The following OTUD7A variants were observed in gnomAD, a reference collection of about 807,000 sequenced individuals.
OTUD7A encodes the protein OTU domain-containing protein 7A.
In OTUD7A, 12 loss-of-function variants were observed where a neutral mutation model predicts 65.7. The ratio of observed to expected loss-of-function variants is 0.18; its 90% CI spans 0.12 to 0.30. The LOEUF is 0.30. Among genes scored for constraint, OTUD7A ranks in the 10% least tolerant of loss-of-function variants. The probability of loss-of-function intolerance (pLI) is 1.00; values close to 1 mark genes in which losing one functional copy is unlikely to be tolerated. For synonymous variants in OTUD7A, 641 were observed against 586.3 expected (o/e 1.09, Z -1.35); for missense variants, 1,148 against 1,304.8 (o/e 0.88, Z 1.85).
chr15:31,722,593 TG>T (rs1229088028), intron 1 of OTUD7A, among the ~76,000 whole-genome samples: 2 of 152,312 alleles, frequency 1.3e-5, no homozygotes, highest in African/African-American at 2.4e-5. Context: ...GAAAGAGGTC[TG>T]GGGATGCTGG....
Position 31,479,591 on chromosome 15 carries a change from A to G in OTUD7A, c.*3703T>C, listed in dbSNP as rs1431875140. The G allele has an allele frequency of 1.4e-5, 2 of 147,976 alleles. No individual in the cohort carries two copies. The highest frequency in any genetic ancestry group is 3.0e-5 in the Non-Finnish European group (2 of 67,246). 9.2% of individuals were successfully genotyped at this position (147,976 alleles called of 1,614,324 possible). ...AAGTACAGCCCTTTTATCTTAACCA[A>G]TGGGAAGTATATTTTAAGTTTATTT... On this transcript the variant is annotated 3_prime_UTR_variant, in exon 13 of 13. Transcript: ENST00000307050.
At chr15:31,526,259 TC>T (rs888256565) in intron 8 of OTUD7A, 89 bp downstream of exon 8, 42 of 1,252,638 alleles carry the variant, frequency 3.4e-5, no homozygotes, top group Non-Finnish European at 3.7e-5. Flanking sequence ...AGTCCCACAT[TC>T]CCCCCCGTGC....
chr15:31,687,442 G>T (rs1052279717), intron 1 of OTUD7A, among the ~76,000 whole-genome samples: 1 of 152,168 alleles, frequency 6.6e-6, no homozygotes, highest in East Asian at 1.9e-4. Flanking sequence ...AGTGGCTCTC[G>T]CCCATGTGTC....
At chr15:31,653,211 C>T (rs1012572354) in intron 3 of OTUD7A, among the ~76,000 whole-genome samples, 7 of 151,206 alleles carry the variant, frequency 4.6e-5, no homozygotes, top group Admixed American at 3.3e-4. Flanking sequence ...GCCGAGATAG[C>T]GCCACTGCAC....
At chr15:31,711,761 AAGG>A (rs1893453235) in intron 1 of OTUD7A, among the ~76,000 whole-genome samples, 1 of 136,840 alleles carries the variant, frequency 7.3e-6, no homozygotes, top group South Asian at 2.6e-4. Context: ...ATTGGAAATA[AAGG>A]AGAAGAAATG....
intron 10 of OTUD7A, among the ~76,000 whole-genome samples, chr15:31,492,612 A>G (rs2141071396): frequency 6.6e-6 from 1 of 151,882 alleles, no homozygotes; most frequent in African/African-American, 2.4e-5. Flanking sequence ...AATCTCATTA[A>G]TTAAAGATGT....
chr15:31,561,827 G>A (rs1358090239), intron 4 of OTUD7A, among the ~76,000 whole-genome samples: 1 of 149,354 alleles, frequency 6.7e-6, no homozygotes, highest in Non-Finnish European at 1.5e-5. Flanking sequence ...CTTTAAACGT[G>A]AACTCAGTGA....
intron 1 of OTUD7A, among the ~76,000 whole-genome samples, chr15:31,725,423 A>G (rs939723000): frequency 3.3e-5 from 5 of 152,190 alleles, no homozygotes; most frequent in African/African-American, 7.2e-5. Flanking sequence ...ATGGGTCTCC[A>G]GACTCAAAGA....
In OTUD7A at chr15:31,860,697, A is replaced by ATATATATATATATATATATG. The variant is rs1417556267; in HGVS notation, c.-100+9809_-100+9810insCATATATATATATATATATA. ...TGTGTGTATATATATATATATATAT[A>ATATATATATATATATATATG]TATGTATGTATATATATATATTTTT... On this transcript the variant is annotated intron_variant, in intron 1 of 12. Coordinates refer to ENST00000307050, the MANE Select transcript of OTUD7A (RefSeq NM_001382637.1). Among the ~76,000 whole-genome samples, 21 of 129,744 alleles carry ATATATATATATATATATATG rather than the reference A, an allele frequency of 1.6e-4. No individual in the cohort carries two copies. In the East Asian group the frequency reaches 1.6e-3, roughly 10 times the overall value. 85.1% of individuals were successfully genotyped at this position (129,744 alleles called of 152,430 possible). A position where few individuals can be genotyped will look rare whatever the true frequency, so the allele number is the denominator to read the frequency against.
At chr15:31,851,995 A>T (rs952492167) in intron 1 of OTUD7A, among the ~76,000 whole-genome samples, 3 of 152,156 alleles carry the variant, frequency 2.0e-5, no homozygotes, top group Admixed American at 6.5e-5. Flanking sequence ...AGTAGCTGAG[A>T]TTACAGGCGC....
chr15:31,664,097 T>C (rs2141287950), intron 1 of OTUD7A, among the ~76,000 whole-genome samples: 1 of 152,364 alleles, frequency 6.6e-6, no homozygotes, highest in Non-Finnish European at 1.5e-5. Flanking sequence ...GTTGGTCCCA[T>C]GATTTTGCAA....
At chr15:31,722,081 C>T (rs1893754754) in intron 1 of OTUD7A, among the ~76,000 whole-genome samples, 1 of 152,244 alleles carries the variant, frequency 6.6e-6, no homozygotes, top group Admixed American at 6.5e-5. Flanking sequence ...CAGTGGCACA[C>T]AGTCTGTGGC....
At chr15:31,678,007 A>G (rs779045290) in intron 1 of OTUD7A, among the ~76,000 whole-genome samples, 17 of 152,192 alleles carry the variant, frequency 1.1e-4, no homozygotes, top group Non-Finnish European at 2.5e-4. Context: ...GTGGTCTCAG[A>G]TGGAGATGAG....
At chr15:31,778,736 T>TA (rs1895456651) in intron 1 of OTUD7A, among the ~76,000 whole-genome samples, 2 of 151,510 alleles carry the variant, frequency 1.3e-5, no homozygotes, top group Admixed American at 1.3e-4. Flanking sequence ...TGTGTCTCTC[T>TA]CTCTCACACA....
chr15:31,694,764 G>A (rs1201336020), intron 1 of OTUD7A, among the ~76,000 whole-genome samples: 1 of 152,060 alleles, frequency 6.6e-6, no homozygotes, highest in African/African-American at 2.4e-5. Flanking sequence ...ATGCCCTCCA[G>A]GTTCATTCTT....
chr15:31,780,088 C>T (rs1595763844), intron 1 of OTUD7A, among the ~76,000 whole-genome samples: 2 of 152,114 alleles, frequency 1.3e-5, no homozygotes, highest in East Asian at 3.9e-4. Context: ...ATGGCAGAAG[C>T]AGACAGGCCA....
chr15:31,849,716 C>T (rs576815442), intron 1 of OTUD7A, among the ~76,000 whole-genome samples: 12 of 152,216 alleles, frequency 7.9e-5, no homozygotes, highest in Admixed American at 5.9e-4. Context: ...AGAAAACAAT[C>T]GACCCCATCA....
chr15:31,617,702 G>C (rs1595659696), intron 3 of OTUD7A, among the ~76,000 whole-genome samples: 1 of 152,140 alleles, frequency 6.6e-6, no homozygotes, highest in South Asian at 2.1e-4. Flanking sequence ...GTGATAGGAA[G>C]AGGGAAGGAA....
chr15:31,601,985 C>T (rs1890090353), intron 3 of OTUD7A, among the ~76,000 whole-genome samples: 1 of 152,096 alleles, frequency 6.6e-6, no homozygotes, highest in Non-Finnish European at 1.5e-5. Flanking sequence ...CAAAAAAAGT[C>T]CAGGAACAGA....
Sources: allele counts gnomAD v4.1 joint callset (sites outside exome capture counted in the v4.1 genomes callset), GRCh38; gene constraint gnomAD v4.1.1; transcripts MANE v1.5; gene names NCBI Gene and HGNC (gene_info 2026-07-23, HGNC 2026-07-21).